The following RIMS2 variants were observed in gnomAD, a reference collection of about 807,000 sequenced individuals.
RIMS2 encodes regulating synaptic membrane exocytosis 2, also known as regulating synaptic membrane exocytosis protein 2.
Under a neutral mutation model 174.4 loss-of-function variants are expected in RIMS2, and 59 were observed. The ratio of observed to expected loss-of-function variants is 0.34; its 90% CI spans 0.27 to 0.42. RIMS2 has a LOEUF of 0.42. Among genes scored for constraint, RIMS2 ranks in the 10% least tolerant of loss-of-function variants. The pLI, the probability that RIMS2 is intolerant of heterozygous loss-of-function variation, is 1.00. For missense variants in RIMS2, 1,620 were observed against 1,666.3 expected (o/e 0.97, Z 0.48); for synonymous variants, 606 against 572.5 (o/e 1.06, Z -0.84).
At chr8:103,544,601 G>A (rs1223132706) in intron 1 of RIMS2, among the ~76,000 whole-genome samples, 1 of 152,186 alleles carries the variant, frequency 6.6e-6, no homozygotes, top group African/African-American at 2.4e-5. Flanking sequence ...TCCCACTTCT[G>A]CCTGAACTCT....
At chr8:104,071,591 T>C (rs930008238) in intron 19 of RIMS2, among the ~76,000 whole-genome samples, 9 of 152,284 alleles carry the variant, frequency 5.9e-5, no homozygotes, top group East Asian at 1.9e-4. Flanking sequence ...CGCGCCACCA[T>C]GCCCAGCCAA....
At chr8:104,094,531 T>A in intron 19 of RIMS2, 1 of 701,334 alleles carries the variant, frequency 1.4e-6, no homozygotes, top group Non-Finnish European at 2.6e-6. Flanking sequence ...GAAGAGATAG[T>A]TCATGAGAAG....
intron 19 of RIMS2, among the ~76,000 whole-genome samples, chr8:104,176,719 A>G (rs1414694413): frequency 2.0e-5 from 3 of 151,524 alleles, no homozygotes; most frequent in East Asian, 3.9e-4. Flanking sequence ...ATATTTTCAT[A>G]TCATTATATA....
At chr8:104,102,859 A>G (rs943486827) in intron 19 of RIMS2, among the ~76,000 whole-genome samples, 5 of 152,166 alleles carry the variant, frequency 3.3e-5, no homozygotes, top group African/African-American at 4.8e-5. Flanking sequence ...TATGGGAGCT[A>G]TGATTCAAAA....
At chr8:104,090,539 C>T (rs918248565) in intron 19 of RIMS2, among the ~76,000 whole-genome samples, 2 of 151,664 alleles carry the variant, frequency 1.3e-5, no homozygotes, top group South Asian at 2.1e-4. Flanking sequence ...CTGGGATACA[C>T]GAGTACCAGG....
At chr8:103,609,779 G>A (rs905371096) in intron 1 of RIMS2, among the ~76,000 whole-genome samples, 1 of 152,154 alleles carries the variant, frequency 6.6e-6, no homozygotes, top group Non-Finnish European at 1.5e-5. Context: ...TTTCAGTTTT[G>A]TTCTTTCTGC....
chr8:104,222,441 C>T (rs1276528110), intron 19 of RIMS2, among the ~76,000 whole-genome samples: 3 of 152,100 alleles, frequency 2.0e-5, no homozygotes, highest in Admixed American at 6.5e-5. Context: ...TTACATTTTA[C>T]GTTGAAATCC....
chr8:103,951,295 C>G (rs1218622173), intron 14 of RIMS2, among the ~76,000 whole-genome samples: 1 of 152,194 alleles, frequency 6.6e-6, no homozygotes, highest in Admixed American at 6.5e-5. Context: ...AAGCATTTCC[C>G]TTGAAAACTG....
chr8:104,198,653 A>G (rs1412482134), intron 19 of RIMS2, among the ~76,000 whole-genome samples: 1 of 152,268 alleles, frequency 6.6e-6, no homozygotes, highest in Non-Finnish European at 1.5e-5. Context: ...CATTCCAGAC[A>G]GAGATCCAGG....
chr8:103,793,275 A>C (rs2098517934), intron 3 of RIMS2, among the ~76,000 whole-genome samples: 1 of 152,344 alleles, frequency 6.6e-6, no homozygotes. Flanking sequence ...GGCTGGTTCA[A>C]CATACGCAAA....
At chr8:103,886,198 T>G in exon 4 of RIMS2, 1 of 1,611,384 alleles carries the variant, frequency 6.2e-7, no homozygotes, top group Non-Finnish European at 8.5e-7. Context: ...ATGTTGAGAT[T>G]GAAAGTGAGA....
intron 1 of RIMS2, among the ~76,000 whole-genome samples, chr8:103,603,333 T>C (rs1259418182): frequency 1.3e-5 from 2 of 151,922 alleles, no homozygotes; most frequent in Non-Finnish European, 2.9e-5. Context: ...GAACTCATCA[T>C]GTTTTATGGC....
At chr8:103,840,919 T>G (rs2098935938) in intron 3 of RIMS2, among the ~76,000 whole-genome samples, 1 of 152,208 alleles carries the variant, frequency 6.6e-6, no homozygotes, top group Non-Finnish European at 1.5e-5. Context: ...TATCAGAAAT[T>G]TCTTTCTTTT....
chr8:103,640,049 G>C (rs1310973090), intron 1 of RIMS2, among the ~76,000 whole-genome samples: 1 of 151,450 alleles, frequency 6.6e-6, no homozygotes, highest in East Asian at 1.9e-4. Flanking sequence ...TTATAGATTT[G>C]GTATGTATTT....
intron 19 of RIMS2, among the ~76,000 whole-genome samples, chr8:104,101,037 T>TTATATATTACATATGTAATATATGTTA: frequency 7.0e-6 from 1 of 142,528 alleles, no homozygotes; most frequent in East Asian, 2.0e-4. Context: ...ATGTTATATA[T>TTATATATTACATATGTAATATATGTTA]TATATTATAT....
At chr8:103,665,525 T>C (rs1347010073) in intron 1 of RIMS2, among the ~76,000 whole-genome samples, 1 of 152,254 alleles carries the variant, frequency 6.6e-6, no homozygotes, top group Non-Finnish European at 1.5e-5. Context: ...CTAAAAAGAA[T>C]TAATCAAATA....
intron 19 of RIMS2, among the ~76,000 whole-genome samples, chr8:104,162,708 A>G (rs1164304909): frequency 6.6e-6 from 1 of 152,208 alleles, no homozygotes; most frequent in Non-Finnish European, 1.5e-5. Flanking sequence ...AGATGTAAAT[A>G]GCCAACAGGC....
chr8:104,166,951 A>G (rs1020815477), intron 19 of RIMS2, among the ~76,000 whole-genome samples: 1 of 152,152 alleles, frequency 6.6e-6, no homozygotes, highest in African/African-American at 2.4e-5. Flanking sequence ...TGCACAAGAC[A>G]TTATTTCATT....
chr8:103,805,528 C>A lies in RIMS2; in HGVS notation c.698+38991C>A, dbSNP rs2098644437. 2.0e-5 allele frequency among the ~76,000 whole-genome samples: 3 copies of A among 152,042 alleles called. No homozygotes were observed. The South Asian group carries it at 6.2e-4, about 31-fold the overall frequency. On this transcript the variant is annotated intron_variant, in intron 3 of 23. Coordinates refer to ENST00000504942, the Ensembl canonical transcript of RIMS2. ...ACAGTTGGAAATTTTAAGGTATGGT[C>A]TGGAACTCTTTGTTTGGAAATAAGG...
Sources: gnomAD v4.1 joint callset for allele counts (sites outside exome capture counted in the v4.1 genomes callset) on GRCh38, gnomAD v4.1.1 for gene constraint, MANE v1.5 for transcripts, NCBI Gene and HGNC (gene_info 2026-07-23, HGNC 2026-07-21) for gene names.